Variants in TLN2 observed in about 807,000 individuals in gnomAD.
TLN2 encodes talin 2.
Under a neutral mutation model 294.7 loss-of-function variants are expected in TLN2, and 118 were observed. The observed-to-expected ratio is 0.40, with a 90% CI of 0.34 to 0.47. The LOEUF is 0.47. Among genes scored for constraint, TLN2 ranks in the 20% least tolerant of loss-of-function variants. TLN2 has a pLI of 0.84. For synonymous variants in TLN2, 1,431 were observed against 1,304.5 expected (o/e 1.10, Z -2.09); for missense variants, 3,083 against 3,282.2 (o/e 0.94, Z 1.48).
At chr15:62,834,786 C>A (rs1596195401) in intron 55 of TLN2, 1 of 66,398 alleles carries the variant, frequency 1.5e-5, no homozygotes, top group African/African-American at 5.0e-5. Context: ...AACGGAATAT[C>A]CTATGTTTAA....
chr15:62,706,061 G>A (rs113887683), intron 19 of TLN2, among the ~76,000 whole-genome samples: 113 of 152,272 alleles, frequency 7.4e-4, no homozygotes, highest in African/African-American at 2.6e-3. Context: ...CTGTAAAGAC[G>A]CTGTGGGTGC....
intron 1 of TLN2, among the ~76,000 whole-genome samples, chr15:62,428,177 T>C (rs2140283867): frequency 6.6e-6 from 1 of 152,336 alleles, no homozygotes; most frequent in Non-Finnish European, 1.5e-5. Flanking sequence ...AAATGTCACC[T>C]TTCCCAGGTA....
At chr15:62,565,190 C>G (rs927201185) in intron 1 of TLN2, among the ~76,000 whole-genome samples, 10 of 151,968 alleles carry the variant, frequency 6.6e-5, no homozygotes, top group African/African-American at 1.9e-4. Flanking sequence ...CTTGAGGTAG[C>G]CTGTCTTGAT....
At chr15:62,541,440 T>G (rs1458946733) in intron 1 of TLN2, among the ~76,000 whole-genome samples, 1 of 152,224 alleles carries the variant, frequency 6.6e-6, no homozygotes, top group Non-Finnish European at 1.5e-5. Context: ...TTGGACAGTT[T>G]AGCTTTTCTG....
chr15:62,644,729 T>A (rs777559830), intron 3 of TLN2: 10 of 380,986 alleles, frequency 2.6e-5, no homozygotes, highest in Non-Finnish European at 5.1e-5. Context: ...CTTGCTCCTC[T>A]GTGTGTCTTC....
At chr15:62,480,717 T>TA (rs1327577186) in intron 1 of TLN2, among the ~76,000 whole-genome samples, 1 of 152,202 alleles carries the variant, frequency 6.6e-6, no homozygotes, top group East Asian at 1.9e-4. Context: ...TGCCCTACGT[T>TA]ACCACACTTG....
At chr15:62,660,250 C>T (rs922554279) in intron 9 of TLN2, among the ~76,000 whole-genome samples, 5 of 152,116 alleles carry the variant, frequency 3.3e-5, no homozygotes, top group African/African-American at 7.2e-5. Flanking sequence ...AGATTCGCTT[C>T]GAACTTTCTT....
intron 1 of TLN2, among the ~76,000 whole-genome samples, chr15:62,587,957 T>C (rs935548662): frequency 6.6e-6 from 1 of 152,098 alleles, no homozygotes; most frequent in Non-Finnish European, 1.5e-5. Context: ...CTCGGCTCAC[T>C]GCAAGCTCCG....
Position 62,698,795 on chromosome 15 carries a change from C to T in TLN2, c.1515C>T (p.Ser505=). Residue 505 remains serine (S), a synonymous_variant, in exon 16 of 59, where the codon AGC becomes AGT. Coordinates refer to ENST00000636159, the MANE Select transcript of TLN2 (RefSeq NM_015059.3). ...CCCTGATGGGGACCATCAACACAAG[C>T]ATGCACGCCGTCCAGCAGGCCCAGG... ...QQALMGTINT[S]MHAVQQAQDD... The T allele has an allele frequency of 1.2e-6, 2 of 1,612,422 alleles. No individual in the cohort carries two copies. The highest frequency in any genetic ancestry group is 2.2e-5 in the East Asian group (1 of 44,882).
At chr15:62,453,633 T>G (rs1249207099) in intron 1 of TLN2, 3 of 152,256 alleles carry the variant, frequency 2.0e-5, no homozygotes, top group African/African-American at 7.2e-5. Flanking sequence ...TGTCCCTTCC[T>G]GTTTAATGCA....
intron 1 of TLN2, among the ~76,000 whole-genome samples, chr15:62,504,842 T>TGAGA (rs1179553956): frequency 3.5e-5 from 5 of 143,458 alleles, no homozygotes; most frequent in Admixed American, 6.9e-5. Context: ...TGTGTGTGTG[T>TGAGA]GTGTGAGAGA....
chr15:62,449,020 G>A (rs1043878793), intron 1 of TLN2, among the ~76,000 whole-genome samples: 1 of 152,206 alleles, frequency 6.6e-6, no homozygotes, highest in Non-Finnish European at 1.5e-5. Context: ...AGGGGGAAAT[G>A]AGCTTTGATG....
intron 1 of TLN2, among the ~76,000 whole-genome samples, chr15:62,543,476 G>A (rs1165928303): frequency 6.6e-6 from 1 of 151,786 alleles, no homozygotes; most frequent in African/African-American, 2.4e-5. Context: ...TGGAGCTCTA[G>A]GCCAGACGCG....
chr15:62,475,400 C>G (rs760651354), intron 1 of TLN2, among the ~76,000 whole-genome samples: 5 of 152,286 alleles, frequency 3.3e-5, no homozygotes, highest in Admixed American at 6.5e-5. Flanking sequence ...TAGGTGTGAT[C>G]TGCTCGAGGT....
intron 1 of TLN2, among the ~76,000 whole-genome samples, chr15:62,577,897 T>C (rs201775750): frequency 6.6e-6 from 1 of 152,144 alleles, no homozygotes; most frequent in Non-Finnish European, 1.5e-5. Flanking sequence ...CCTGTGTCCA[T>C]GTGTTCTCAT....
Position 62,739,506 on chromosome 15 carries a change from A to G in TLN2, c.3846A>G (p.Glu1282=), listed in dbSNP as rs371806223. 4.3e-5 allele frequency: 69 copies of G among 1,614,054 alleles called. No individual in the cohort carries two copies. The highest frequency in any genetic ancestry group is 5.6e-5 in the Non-Finnish European group (66 of 1,180,034). Residue 1282 remains glutamate, a synonymous_variant, in exon 31 of 59, where the codon GAA becomes GAG. Coordinates refer to ENST00000636159, the MANE Select transcript of TLN2 (RefSeq NM_015059.3). ...ASGKFSDDFD[E]FLDAGIEMAG... is the part of the protein sequence containing the mutation. ...GAAAGTTCAGTGATGATTTTGATGA[A>G]TTCCTCGATGCTGGCATTGAGATGG... is the stretch of plus-strand genomic sequence containing the variant.
chr15:62,673,599 G>T (rs768169998), intron 9 of TLN2, among the ~76,000 whole-genome samples: 11 of 143,952 alleles, frequency 7.6e-5, no homozygotes, highest in Non-Finnish European at 1.5e-4. Context: ...ATAGATCCTG[G>T]AATTTCTTTT....
chr15:62,822,155 C>T (rs1352506387), intron 54 of TLN2, among the ~76,000 whole-genome samples: 1 of 152,116 alleles, frequency 6.6e-6, no homozygotes, highest in African/African-American at 2.4e-5. Flanking sequence ...CCTGGTTTCC[C>T]CGTGTCTGGT....
intron 1 of TLN2, among the ~76,000 whole-genome samples, chr15:62,412,317 C>G (rs1184928329): frequency 6.6e-6 from 1 of 152,122 alleles, no homozygotes; most frequent in Non-Finnish European, 1.5e-5. Context: ...GGCTGATAAC[C>G]TTTTTGAGGA....
Sources: gnomAD v4.1 joint callset for allele counts (sites outside exome capture counted in the v4.1 genomes callset) on GRCh38, gnomAD v4.1.1 for gene constraint, MANE v1.5 for transcripts, NCBI Gene and HGNC (gene_info 2026-07-23, HGNC 2026-07-21) for gene names.